Variants in PCDHGA3 observed in about 807,000 individuals in gnomAD.
The protein encoded by PCDHGA3 is protocadherin gamma subfamily A, 3, also known as protocadherin gamma-A3.
A neutral mutation model predicts 58.5 loss-of-function variants in PCDHGA3; 40 were observed. That is an observed-to-expected ratio of 0.68 (90% CI 0.53 to 0.89). The LOEUF (loss-of-function observed/expected upper bound fraction) is 0.89. Ranked by LOEUF, PCDHGA3 falls within the 40% of genes least tolerant of loss-of-function variation. The pLI, the probability that PCDHGA3 is intolerant of heterozygous loss-of-function variation, is 0.00. For synonymous variants in PCDHGA3, 530 were observed against 525.7 expected (o/e 1.01, Z -0.11); for missense variants, 1,223 against 1,195.9 (o/e 1.02, Z -0.33).
At chr5:141,395,259 C>CT in intron 1 of PCDHGA3, 1 of 1,551,968 alleles carries the variant, frequency 6.4e-7, no homozygotes, top group Non-Finnish European at 8.7e-7. Flanking sequence ...TCTTTGCTTG[C>CT]TTTTAATTTC....
Position 141,345,420 on chromosome 5 carries a change from G to A in PCDHGA3, c.1387G>A (p.Glu463Lys). 1 of 1,613,994 alleles carries A rather than the reference G, an allele frequency of 6.2e-7. No individual in the cohort carries two copies. Among genetic ancestry groups the A allele is most frequent in the Non-Finnish European group, 8.5e-7 (1 of 1,180,016 alleles). ...PHLSYSAYIPENNPRGASIFS... is the reference protein window; with the variant it reads ...PHLSYSAYIPKNNPRGASIFS... Reference sequence around the variant, plus strand: ...TTTATCCTACTCCGCCTACATTCCAGAAAACAACCCCAGAGGAGCCTCCAT... The same window carrying A: ...TTTATCCTACTCCGCCTACATTCCAAAAAACAACCCCAGAGGAGCCTCCAT... The change falls in exon 1 of 4, where the codon GAA becomes AAA. Residue 463 changes from glutamate to lysine, a missense_variant. Physicochemically the swap from Glu to Lys is moderately conservative, Grantham distance 56. This residue lies in a region of PCDHGA3 where 791 missense variants were observed against 708.5 expected (regional missense o/e 1.12). Coordinates refer to ENST00000253812, the MANE Select transcript of PCDHGA3 (RefSeq NM_018916.4).
chr5:141,360,633 A>G, intron 1 of PCDHGA3: 2 of 1,614,028 alleles, frequency 1.2e-6, no homozygotes, highest in Non-Finnish European at 1.7e-6. Flanking sequence ...GTCCTAACTC[A>G]CTACAAAGAT....
At chr5:141,362,379 GC>G (rs776053945) in intron 1 of PCDHGA3, 10 of 1,613,886 alleles carry the variant, frequency 6.2e-6, no homozygotes, top group Non-Finnish European at 2.5e-6. Context: ...AGGGTACATT[GC>G]CCTATTCCTA....
intron 1 of PCDHGA3, among the ~76,000 whole-genome samples, chr5:141,449,007 T>A (rs937327801): frequency 3.3e-5 from 5 of 152,116 alleles, no homozygotes; most frequent in African/African-American, 1.2e-4. Context: ...CTGTTTTTTT[T>A]AACAGTTGCT....
chr5:141,476,309 A>G lies in PCDHGA3; in HGVS notation c.2425-18498A>G. ...GGATCTCGGTAGCCTCTCAGCCCGC[A>G]GGTTCCGGGTGGTGTCTGGAGCTAG... On this transcript the variant is annotated intron_variant, in intron 1 of 3. Transcript: ENST00000253812. The surrounding 1 kb of genome is among the most constrained non-coding windows in gnomAD (Gnocchi z 7.6). The G allele has an allele frequency of 6.2e-7, 1 of 1,613,966 alleles. No homozygotes were observed. Among genetic ancestry groups the G allele is most frequent in the Non-Finnish European group, 8.5e-7 (1 of 1,179,988 alleles).
intron 1 of PCDHGA3, chr5:141,384,170 C>A: frequency 6.2e-7 from 1 of 1,613,736 alleles, no homozygotes; most frequent in Non-Finnish European, 8.5e-7. Flanking sequence ...ACACTGAAAG[C>A]CACAGATGGT....
chr5:141,489,470 T>C lies in PCDHGA3; in HGVS notation c.2425-5337T>C, dbSNP rs1030378524. 1 of 1,613,874 alleles carries C rather than the reference T, an allele frequency of 6.2e-7. No homozygotes were observed. The highest frequency in any genetic ancestry group is 8.5e-7 in the Non-Finnish European group (1 of 1,179,838). ...GAGGAGAATGGGCGCTATTTTTCCCTGAGCTTGATGAGTGGTGCCCTGGCA... is the reference window on the plus strand; with the variant it reads ...GAGGAGAATGGGCGCTATTTTTCCCCGAGCTTGATGAGTGGTGCCCTGGCA... On this transcript the variant is annotated intron_variant, in intron 1 of 3. Transcript: ENST00000253812. This position sits in a 1 kb window ranked among gnomAD's most constrained non-coding sequence, Gnocchi z 4.5.
chr5:141,383,186 G>A (rs760844021), intron 1 of PCDHGA3: 4 of 1,614,100 alleles, frequency 2.5e-6, no homozygotes, highest in Non-Finnish European at 3.4e-6. Flanking sequence ...GAAGAGATCT[G>A]CGCTCAGAGT....
rs777856819 is a variant in PCDHGA3, at chr5:141,487,572, T to A, written c.2425-7235T>A. On this transcript the variant is annotated intron_variant, in intron 1 of 3. Coordinates refer to ENST00000253812, the MANE Select transcript of PCDHGA3 (RefSeq NM_018916.4). The surrounding 1 kb of genome is among the most constrained non-coding windows in gnomAD (Gnocchi z 5.0). ...AGTGCACCTATGGCAGGGGAGCCTG[T>A]TCGCCCAAGCTGCCCACCCTCTGAT... 1 of 1,614,168 alleles carries A rather than the reference T, an allele frequency of 6.2e-7. No individual in the cohort carries two copies. Among genetic ancestry groups the A allele is most frequent in the Non-Finnish European group, 8.5e-7 (1 of 1,180,034 alleles).
intron 1 of PCDHGA3, chr5:141,420,440 C>G (rs1298244162): frequency 9.3e-7 from 1 of 1,076,214 alleles, no homozygotes; most frequent in Non-Finnish European, 1.2e-6. Context: ...AATTAAATGC[C>G]TCAGTCTTCC....
At chr5:141,388,685 G>A (rs2091454291) in intron 1 of PCDHGA3, 5 of 1,613,932 alleles carry the variant, frequency 3.1e-6, no homozygotes, top group East Asian at 2.2e-5. Flanking sequence ...TGACTGCCAC[G>A]GACCAGGATG....
At chr5:141,361,447 G>T (rs942275534) in intron 1 of PCDHGA3, 3 of 1,613,998 alleles carry the variant, frequency 1.9e-6, no homozygotes, top group African/African-American at 2.7e-5. Flanking sequence ...CAGCATAATT[G>T]TCACCCTGCA....
intron 1 of PCDHGA3, chr5:141,413,078 C>T: frequency 7.7e-7 from 1 of 1,301,152 alleles, no homozygotes; most frequent in Non-Finnish European, 1.1e-6. Flanking sequence ...AGTGCCCAGG[C>T]TACAGAGACA....
chr5:141,497,649 C>T (rs973501351), intron 2 of PCDHGA3, among the ~76,000 whole-genome samples: 1 of 151,784 alleles, frequency 6.6e-6, no homozygotes, highest in Non-Finnish European at 1.5e-5. Context: ...AAGCGATTCT[C>T]CTGCCTCAGC....
intron 1 of PCDHGA3, chr5:141,408,244 G>A (rs746604555): frequency 6.3e-7 from 1 of 1,585,990 alleles, no homozygotes; most frequent in Non-Finnish European, 8.6e-7. Context: ...CCGGCCCGCG[G>A]CAGGTGCTAT....
At position 141,432,181 on chromosome 5, in the gene PCDHGA3, G is replaced by A. The variant is rs1443322706; in HGVS notation, c.2425-62626G>A. 3.7e-6 allele frequency: 6 copies of A among 1,614,116 alleles called. No homozygotes were observed. In the South Asian group the frequency reaches 6.6e-5, roughly 18 times the overall value. On this transcript the variant is annotated intron_variant, in intron 1 of 3. Coordinates refer to ENST00000253812, the MANE Select transcript of PCDHGA3 (RefSeq NM_018916.4). This position sits in a 1 kb window ranked among gnomAD's most constrained non-coding sequence, Gnocchi z 6.0. ...CCAGAGGAGTTTCCCTCGTCTCTGTGACCGCCCACGACCCCGACTGTGAAG... is the reference window on the plus strand; with the variant it reads ...CCAGAGGAGTTTCCCTCGTCTCTGTAACCGCCCACGACCCCGACTGTGAAG...
chr5:141,362,661 A>G (rs533318965), intron 1 of PCDHGA3: 682 of 1,346,776 alleles, frequency 5.1e-4, no homozygotes, highest in Non-Finnish European at 6.6e-4. Flanking sequence ...GATTTGGCCA[A>G]TGTTGTGCCT....
At chr5:141,464,556 G>A (rs1158827360) in intron 1 of PCDHGA3, among the ~76,000 whole-genome samples, 4 of 151,990 alleles carry the variant, frequency 2.6e-5, no homozygotes, top group Admixed American at 6.6e-5. Flanking sequence ...TCCCCATCTT[G>A]CATTCCTACA....
In PCDHGA3 at chr5:141,491,764, C is replaced by T; in HGVS notation, c.2425-3043C>T. The stretch of plus-strand genomic sequence containing the variant: ...CGGCACTGGAGAAGCCGCCCGTCCT[C>T]ATAAGGGATTGAACTTGCATCCACT... On this transcript the variant is annotated intron_variant, in intron 1 of 3. Transcript: ENST00000253812. The surrounding 1 kb of genome is among the most constrained non-coding windows in gnomAD (Gnocchi z 6.9). The T allele has an allele frequency of 6.4e-7, 1 of 1,570,206 alleles. No homozygotes were observed. Among genetic ancestry groups the T allele is most frequent in the Non-Finnish European group, 8.6e-7 (1 of 1,159,296 alleles).
Sources: allele counts gnomAD v4.1 joint callset (sites outside exome capture counted in the v4.1 genomes callset), GRCh38; gene constraint gnomAD v4.1.1; regional missense constraint gnomAD v4.1.1; non-coding constraint Gnocchi (gnomAD v3.1); transcripts MANE v1.5; gene names NCBI Gene and HGNC (gene_info 2026-07-23, HGNC 2026-07-21).